KIF3A: variants seen among roughly 807,000 people sequenced by gnomAD.
KIF3A encodes the protein kinesin-like protein KIF3A.
Under a neutral mutation model 92.6 loss-of-function variants are expected in KIF3A, and 27 were observed. The ratio of observed to expected loss-of-function variants is 0.29; its 90% confidence interval spans 0.21 to 0.40. The LOEUF (loss-of-function observed/expected upper bound fraction) is 0.40, where lower values mean the gene tolerates loss of function less well. KIF3A is among the 10% of genes least tolerant of loss of function. The probability of loss-of-function intolerance (pLI) is 1.00; values close to 1 mark genes in which losing one functional copy is unlikely to be tolerated. For missense variants in KIF3A, 581 were observed against 872.6 expected, an observed-to-expected ratio of 0.67 and a Z score of 4.21; for synonymous variants, 250 against 275.4, an observed-to-expected ratio of 0.91 and a Z score of 0.92.
intron 18 of KIF3A, among the ~76,000 whole-genome samples, chr5:132,698,267 A>C (rs750700835): frequency 2.6e-5 from 4 of 152,188 alleles, no homozygotes; most frequent in Admixed American, 1.3e-4. Context: ...TAGGAGCCCC[A>C]GAGTCTTAAA....
chr5:132,709,299 T>C (rs941857897), intron 9 of KIF3A, among the ~76,000 whole-genome samples: 1 of 152,186 alleles, frequency 6.6e-6, no homozygotes, highest in Admixed American at 6.5e-5. Context: ...AGTCATTTGG[T>C]GAGATTTTAG....
chr5:132,720,617 T>C lies in KIF3A; in HGVS notation c.608A>G (p.His203Arg), dbSNP rs761777463. ...DDMDRIMTLG[H>R]KNRSVGATNM... ...TTACACACTATACTTACGATTTTTG[T>C]GGCCTAGCGTCATAATTCTATCCAT... The change falls in exon 5 of 19, where the codon CAC (histidine) becomes CGC (arginine). Residue 203 changes from histidine (H) to arginine (R), a missense_variant. Coordinates refer to ENST00000403231, the MANE Select transcript of KIF3A (RefSeq NM_001300791.2). 3 of 1,600,146 alleles carry C rather than the reference T, an allele frequency of 1.9e-6. No homozygotes were observed. The highest frequency in any genetic ancestry group is 2.6e-6 in the Non-Finnish European group (3 of 1,171,016).
In KIF3A at chr5:132,716,959, G is replaced by A. The variant is rs759929687; in HGVS notation, c.642C>T (p.Asn214=). 36 of 1,613,426 alleles carry A rather than the reference G, an allele frequency of 2.2e-5. No homozygotes were observed. The highest frequency in any genetic ancestry group is 2.2e-4 in the South Asian group (20 of 91,026). ...KNRSVGATNM[N]EHSSRSHAIF... ...TGGCATGGGAACGGGAACTATGTTC[G>A]TTCATATTAGTTGCACCAACAGAAC... Residue 214 remains asparagine (N), a synonymous_variant, in exon 6 of 19, where the codon AAC becomes AAT. Transcript: ENST00000403231.
At chr5:132,736,972 G>A in intron 1 of KIF3A, 1 of 308,476 alleles carries the variant, frequency 3.2e-6, no homozygotes, top group Non-Finnish European at 6.2e-6. Flanking sequence ...GAGACTCGGA[G>A]TATGGGGCCT....
chr5:132,737,514 A>C lies in KIF3A; in HGVS notation c.-95T>G. 1 of 1,409,980 alleles carries C rather than the reference A, an allele frequency of 7.1e-7. No individual in the cohort carries two copies. The allele number at this position is 1,409,980 out of a possible 1,614,324, so 87.3% of individuals were successfully genotyped here. A position where few individuals can be genotyped will look rare whatever the true frequency, so the allele number is the denominator to read the frequency against. ...AAGGATGGCCAGAGACTACCGAAAC[A>C]CCTCGTTGACGCTCTCGAGACTGCG... On this transcript the variant is annotated 5_prime_UTR_variant, in exon 1 of 19. Transcript: ENST00000403231.
downstream of KIF3A, chr5:132,689,505 G>A (rs926165466): frequency 6.6e-6 from 1 of 152,152 alleles, no homozygotes; most frequent in African/African-American, 2.4e-5. Flanking sequence ...AAAGCACAGT[G>A]GAAAACGCAT....
chr5:132,714,586 C>T (rs985652175), intron 8 of KIF3A, among the ~76,000 whole-genome samples: 10 of 151,900 alleles, frequency 6.6e-5, no homozygotes, highest in South Asian at 6.3e-4. Context: ...TCATAGAGAC[C>T]GAAAGTAGAA....
intron 5 of KIF3A, 76 bp downstream of exon 5, chr5:132,720,533 G>C: frequency 1.3e-6 from 1 of 799,700 alleles, no homozygotes; most frequent in Non-Finnish European, 2.1e-6. Context: ...ACAGGGTAAA[G>C]TGCCATACCA....
At chr5:132,737,389 C>A (rs1456032073) in intron 1 of KIF3A, 25 bp downstream of exon 1, 1 of 1,608,488 alleles carries the variant, frequency 6.2e-7, no homozygotes, top group African/African-American at 1.3e-5. Flanking sequence ...AGAAGAAACC[C>A]CAGAAGCGAA....
At chr5:132,724,218 C>T (rs948082667) in intron 4 of KIF3A, among the ~76,000 whole-genome samples, 1 of 152,150 alleles carries the variant, frequency 6.6e-6, no homozygotes, top group African/African-American at 2.4e-5. Flanking sequence ...ACTAGTTCAA[C>T]CATTGTGGAA....
intron 2 of KIF3A, among the ~76,000 whole-genome samples, chr5:132,731,474 T>A (rs1048450788): frequency 6.6e-6 from 1 of 152,148 alleles, no homozygotes; most frequent in African/African-American, 2.4e-5. Context: ...CTCAGCGAAC[T>A]AAGAATAGAA....
chr5:132,703,330 C>G, intron 12 of KIF3A, 133 bp downstream of exon 12: 1 of 742,310 alleles, frequency 1.3e-6, no homozygotes, highest in Non-Finnish European at 2.2e-6. Flanking sequence ...TACAATGGAC[C>G]CTTCTATCCA....
At chr5:132,690,524 G>C (rs972708420), downstream of KIF3A, among the ~76,000 whole-genome samples, 1 of 152,152 alleles carries the variant, frequency 6.6e-6, no homozygotes. Context: ...GTGTTCACAA[G>C]GACATAATGT....
At chr5:132,710,849 T>C in intron 9 of KIF3A, 110 bp downstream of exon 9, 1 of 1,440,880 alleles carries the variant, frequency 6.9e-7, no homozygotes, top group Admixed American at 2.0e-5. Flanking sequence ...TCTTCTGTTC[T>C]AATTGTTATC....
chr5:132,730,083 G>A (rs942939626), intron 2 of KIF3A, among the ~76,000 whole-genome samples: 5 of 152,164 alleles, frequency 3.3e-5, no homozygotes, highest in African/African-American at 1.2e-4. Context: ...AGAATAATAA[G>A]GGAATAGTAT....
At chr5:132,710,759 CAG>C (rs1554105979) in intron 9 of KIF3A, among the ~76,000 whole-genome samples, 198 bp downstream of exon 9, 1 of 152,050 alleles carries the variant, frequency 6.6e-6, no homozygotes, top group Non-Finnish European at 1.5e-5. Flanking sequence ...TCTAAAAAAA[CAG>C]AACATATATT....
At chr5:132,724,828 T>A (rs867820896) in intron 4 of KIF3A, among the ~76,000 whole-genome samples, 14 of 20,804 alleles carry the variant, frequency 6.7e-4, no homozygotes, top group African/African-American at 9.3e-4. Flanking sequence ...TATATATATA[T>A]ATATATATAT....
At chr5:132,710,844 T>C (rs1217796063) in intron 9 of KIF3A, 115 bp downstream of exon 9, 39 of 1,390,810 alleles carry the variant, frequency 2.8e-5, no homozygotes, top group Non-Finnish European at 3.6e-5. Context: ...ATACATCTTC[T>C]GTTCTAATTG....
At chr5:132,708,780 T>C in intron 10 of KIF3A, 127 bp downstream of exon 10, 1 of 577,466 alleles carries the variant, frequency 1.7e-6, no homozygotes, top group Non-Finnish European at 3.1e-6. Flanking sequence ...ACATGCTTTG[T>C]TCTACTGAGG....
Sources: gnomAD v4.1 joint callset for allele counts (sites outside exome capture counted in the v4.1 genomes callset) on GRCh38, gnomAD v4.1.1 for gene constraint, MANE v1.5 for transcripts, NCBI Gene and HGNC (gene_info 2026-07-23, HGNC 2026-07-21) for gene names.